DSCAM: variants seen among roughly 807,000 people sequenced by gnomAD.
DSCAM encodes DS cell adhesion molecule.
Under a neutral mutation model 217.7 loss-of-function variants are expected in DSCAM, and 47 were observed. The observed-to-expected ratio is 0.22, with a 90% CI of 0.17 to 0.28. DSCAM has a LOEUF of 0.28. DSCAM is among the 10% of genes least tolerant of loss of function. The pLI is 1.00. For synonymous variants in DSCAM, 1,056 were observed against 1,015.3 expected (o/e 1.04, Z -0.76); for missense variants, 2,080 against 2,618.3 (o/e 0.79, Z 4.49).
At chr21:40,416,106 C>A in intron 3 of DSCAM, among the ~76,000 whole-genome samples, 1 of 152,124 alleles carries the variant, frequency 6.6e-6, no homozygotes, top group East Asian at 1.9e-4. Flanking sequence ...AAAAGTCCTG[C>A]CTTGGCTGGA....
At chr21:40,522,477 T>C (rs1041437451) in intron 3 of DSCAM, among the ~76,000 whole-genome samples, 1 of 152,232 alleles carries the variant, frequency 6.6e-6, no homozygotes, top group African/African-American at 2.4e-5. Context: ...CTTCATTAAT[T>C]TGATTGTCCC....
intron 3 of DSCAM, among the ~76,000 whole-genome samples, chr21:40,402,350 C>T (rs1159037945): frequency 3.3e-5 from 5 of 151,340 alleles, no homozygotes; most frequent in African/African-American, 9.7e-5. Flanking sequence ...ATTACAGGCT[C>T]GAGCCACCAC....
chr21:40,451,032 G>A (rs529757273), intron 3 of DSCAM, among the ~76,000 whole-genome samples: 8 of 152,314 alleles, frequency 5.3e-5, no homozygotes, highest in African/African-American at 1.9e-4. Flanking sequence ...TGTCCTTCAA[G>A]GGCAGGCCTA....
rs372192336 is a variant in DSCAM, at chr21:40,052,093, C to T, written c.5050G>A (p.Val1684Ile). The T allele has an allele frequency of 1.3e-5, 21 of 1,613,846 alleles. No individual in the cohort carries two copies. In the African/African-American group the frequency reaches 1.6e-4, roughly 12 times the overall value. Residue 1684 changes from valine (V) to isoleucine (I), a missense_variant, in exon 30 of 33, where the codon GTT becomes ATT. Physicochemically the swap from Val to Ile is conservative, Grantham distance 29. Coordinates refer to ENST00000400454, the MANE Select transcript of DSCAM (RefSeq NM_001389.5). ...CCAAAGTCAGCATCCGTCAACAGAA[C>T]CGTGGAGCGATCATCTACAGGATGG... ...TMETIDDRST[V>I]LLTDADFGEA... is the part of the protein sequence containing the mutation.
chr21:40,358,573 G>A (rs1299380762), intron 4 of DSCAM, among the ~76,000 whole-genome samples: 2 of 152,078 alleles, frequency 1.3e-5, no homozygotes, highest in African/African-American at 4.8e-5. Flanking sequence ...CTGGGAGGCC[G>A]AGGCAGGCAG....
At chr21:40,639,130 C>T (rs2089846115) in intron 3 of DSCAM, among the ~76,000 whole-genome samples, 1 of 151,346 alleles carries the variant, frequency 6.6e-6, no homozygotes, top group Non-Finnish European at 1.5e-5. Context: ...CATTTTGGTC[C>T]ATTTTGGTCC....
chr21:40,701,322 C>T (rs1369995138), intron 2 of DSCAM, among the ~76,000 whole-genome samples: 1 of 152,082 alleles, frequency 6.6e-6, no homozygotes, highest in African/African-American at 2.4e-5. Flanking sequence ...CATTTACCAA[C>T]TCTCTCACTT....
At chr21:40,231,511 CT>C (rs950018705) in intron 11 of DSCAM, among the ~76,000 whole-genome samples, 111 of 148,348 alleles carry the variant, frequency 7.5e-4, no homozygotes, top group African/African-American at 2.3e-3. Context: ...TCTTTTATTT[CT>C]TTTTTTTTTA....
chr21:40,399,603 T>C (rs1431108653), intron 3 of DSCAM, among the ~76,000 whole-genome samples: 2 of 152,240 alleles, frequency 1.3e-5, no homozygotes, highest in Non-Finnish European at 2.9e-5. Flanking sequence ...TGTGCCTAGA[T>C]TGGACCAACT....
At chr21:40,776,067 TA>T in intron 1 of DSCAM, among the ~76,000 whole-genome samples, 1 of 152,324 alleles carries the variant, frequency 6.6e-6, no homozygotes, top group Non-Finnish European at 1.5e-5. Context: ...ATCATTAGTA[TA>T]CCTGAGTGTT....
At chr21:40,779,728 C>T (rs2091522592) in intron 1 of DSCAM, among the ~76,000 whole-genome samples, 1 of 145,256 alleles carries the variant, frequency 6.9e-6, no homozygotes, top group South Asian at 2.3e-4. Flanking sequence ...ACTTGAGTGA[C>T]CTGGAGGGAC....
At chr21:40,021,502 A>C (rs1053127568) in intron 32 of DSCAM, among the ~76,000 whole-genome samples, 5 of 152,142 alleles carry the variant, frequency 3.3e-5, no homozygotes, top group Admixed American at 2.6e-4. Flanking sequence ...CATCAGCCTC[A>C]CCAAAACCCA....
chr21:40,203,391 C>T (rs2091091378), intron 11 of DSCAM, among the ~76,000 whole-genome samples: 1 of 152,260 alleles, frequency 6.6e-6, no homozygotes, highest in Non-Finnish European at 1.5e-5. Flanking sequence ...GAAATGCACA[C>T]TCTGGGGTCC....
chr21:40,213,070 G>A (rs576081663), intron 11 of DSCAM, among the ~76,000 whole-genome samples: 3 of 152,330 alleles, frequency 2.0e-5, no homozygotes, highest in South Asian at 2.1e-4. Context: ...GAGAAGAAAC[G>A]TCTGTTGTTT....
intron 3 of DSCAM, among the ~76,000 whole-genome samples, chr21:40,604,352 C>G (rs1468788742): frequency 6.6e-6 from 1 of 152,066 alleles, no homozygotes; most frequent in Non-Finnish European, 1.5e-5. Context: ...TCTACTTTTC[C>G]TATTAGAACC....
At chr21:40,784,691 T>G (rs1281051075) in intron 1 of DSCAM, among the ~76,000 whole-genome samples, 1 of 152,186 alleles carries the variant, frequency 6.6e-6, no homozygotes, top group African/African-American at 2.4e-5. Context: ...ATGGGATTAG[T>G]ACCCTGATAG....
At chr21:40,799,108 G>A (rs1020211471) in intron 1 of DSCAM, among the ~76,000 whole-genome samples, 17 of 152,054 alleles carry the variant, frequency 1.1e-4, no homozygotes, top group African/African-American at 3.9e-4. Flanking sequence ...AGAAAGCTTG[G>A]ACCAAAAAGA....
intron 1 of DSCAM, among the ~76,000 whole-genome samples, chr21:40,775,788 C>T (rs111662770): frequency 1.3e-5 from 2 of 152,070 alleles, no homozygotes; most frequent in African/African-American, 4.8e-5. Flanking sequence ...GAAGAGATGT[C>T]CTTTTTGTAC....
chr21:40,576,904 C>A (rs1332781850), intron 3 of DSCAM, among the ~76,000 whole-genome samples: 2 of 151,232 alleles, frequency 1.3e-5, no homozygotes, highest in South Asian at 4.2e-4. Flanking sequence ...TGCACCCAGG[C>A]GAGTTAGAGA....
Sources: allele counts gnomAD v4.1 joint callset (sites outside exome capture counted in the v4.1 genomes callset), GRCh38; gene constraint gnomAD v4.1.1; transcripts MANE v1.5; gene names NCBI Gene and HGNC (gene_info 2026-07-23, HGNC 2026-07-21).